The following ZSCAN21 variants were observed in gnomAD, a reference collection of about 807,000 sequenced individuals.
ZSCAN21 encodes the protein zinc finger and SCAN domain containing 21, also known as zinc finger and SCAN domain-containing protein 21.
A neutral mutation model predicts 35.6 loss-of-function variants in ZSCAN21; 26 were observed. That is an observed-to-expected ratio of 0.73 (90% confidence interval 0.54 to 1.01). The LOEUF is 1.01. Ranked by LOEUF, ZSCAN21 falls within the 50% of genes least tolerant of loss-of-function variation. The pLI, the probability that ZSCAN21 is intolerant of heterozygous loss-of-function variation, is 0.00. For synonymous variants in ZSCAN21, 219 were observed against 219.3 expected (o/e 1.00, Z 0.01); for missense variants, 593 against 587.1 (o/e 1.01, Z -0.10).
At chr7:100,063,534 G>C (rs1350154282) in intron 3 of ZSCAN21, among the ~76,000 whole-genome samples, 1 of 152,100 alleles carries the variant, frequency 6.6e-6, no homozygotes, top group South Asian at 2.1e-4. Context: ...TCAGGGAGTT[G>C]GAGGTTGCAG....
At position 100,064,734 on chromosome 7, in the gene ZSCAN21, CAG is replaced by C. The variant is rs1439354179; in HGVS notation, c.*118_*119del. ...TGATAGAGTTTGTATCACTCAACAT[CAG>C]GGGATGCCTGAGGAGTGCGAGCTCC... On this transcript the variant is annotated 3_prime_UTR_variant, in exon 4 of 4. Coordinates refer to ENST00000292450, the MANE Select transcript of ZSCAN21 (RefSeq NM_145914.3). 4.3e-5 allele frequency: 70 copies of C among 1,612,758 alleles called. No individual in the cohort carries two copies. Among genetic ancestry groups the C allele is most frequent in the Middle Eastern group, 3.3e-4 (2 of 6,072 alleles).
rs141973828 is a variant in ZSCAN21 at position 100,064,513 on chromosome 7, G to T, written c.1318G>T (p.Gly440Trp). The change falls in exon 4 of 4, where the codon GGG becomes TGG. Residue 440 changes from glycine to tryptophan, a missense_variant. By Grantham distance (184) the Gly-to-Trp change is radical. Coordinates refer to ENST00000292450, the MANE Select transcript of ZSCAN21 (RefSeq NM_145914.3). ...NFNKHHRIHT[G>W]EKPYWCHHCG... is the part of the protein sequence containing the mutation. The stretch of plus-strand genomic sequence containing the variant: ...CAATAAACACCACAGAATCCACACC[G>T]GGGAAAAGCCCTACTGGTGTCATCA... The T allele has an allele frequency of 4.3e-6, 7 of 1,613,958 alleles. No homozygotes were observed. The South Asian group carries it at 7.7e-5, about 18-fold the overall frequency.
rs989861254 is a variant in ZSCAN21, at chr7:100,056,915, A to G, written c.-92A>G. ...TTGGTAACTATATTTTCTTAGGTTT[A>G]ACTTGTGGCCCTAAAGAACTGGAAA... On this transcript the variant is annotated 5_prime_UTR_variant, in exon 2 of 4. The change abolishes the stop of an existing upstream ORF in the 5' untranslated region. Transcript: ENST00000292450. 24 of 1,331,958 alleles carry G rather than the reference A, an allele frequency of 1.8e-5. No individual in the cohort carries two copies. The highest frequency in any genetic ancestry group is 2.1e-5 in the Non-Finnish European group (21 of 988,080). 82.5% of individuals were successfully genotyped at this position (1,331,958 alleles called of 1,614,324 possible). A position where few individuals can be genotyped will look rare whatever the true frequency, so the allele number is the denominator to read the frequency against.
At chr7:100,057,668 A>G (rs113114235) in intron 2 of ZSCAN21, 30 bp from the exon 3 acceptor site, 2 of 1,576,404 alleles carry the variant, frequency 1.3e-6, no homozygotes, top group Non-Finnish European at 1.7e-6. Context: ...TGAGCCATGC[A>G]CAAACCTAGC....
In ZSCAN21 at chr7:100,057,772, G is replaced by A. The variant is rs750295619; in HGVS notation, c.474G>A (p.Pro158=). The change falls in exon 3 of 4, where the codon CCG becomes CCA. Residue 158 remains proline, a synonymous_variant. Coordinates refer to ENST00000292450, the MANE Select transcript of ZSCAN21 (RefSeq NM_145914.3). ...CCTCAGGAACTGCAAAGGAATCCCCGAGCAGCATGCAGCCACAGCCCTTGG... is the reference window on the plus strand; with the variant it reads ...CCTCAGGAACTGCAAAGGAATCCCCAAGCAGCATGCAGCCACAGCCCTTGG... The part of the protein sequence containing the change: ...ISSSGTAKES[P]SSMQPQPLET... The A allele has an allele frequency of 1.3e-5, 21 of 1,614,022 alleles. No individual in the cohort carries two copies. Among genetic ancestry groups the A allele is most frequent in the East Asian group, 2.2e-5 (1 of 44,872 alleles).
At position 100,051,282 on chromosome 7, in the gene ZSCAN21, C is replaced by CTTTTTT. The variant is rs1164734568; in HGVS notation, c.-97+1465_-97+1470dup. ...GGCTGCCTAGGGATCTAGGGATTTT[C>CTTTTTT]TTTTTTTTTTTTTTTTTTTTTTTTT... On this transcript the variant is annotated intron_variant, in intron 1 of 3. Coordinates refer to ENST00000292450, the MANE Select transcript of ZSCAN21 (RefSeq NM_145914.3). Among the ~76,000 whole-genome samples the CTTTTTT allele has an allele frequency of 2.0e-3, 71 of 34,974 alleles. 17 individuals are homozygous for CTTTTTT. The highest frequency in any genetic ancestry group is 0.011 in the South Asian group (6 of 554). 22.9% of individuals were successfully genotyped at this position (34,974 alleles called of 152,430 possible). A position where few individuals can be genotyped will look rare whatever the true frequency, so the allele number is the denominator to read the frequency against.
chr7:100,055,796 C>T (rs571076804), intron 1 of ZSCAN21, among the ~76,000 whole-genome samples: 23 of 151,890 alleles, frequency 1.5e-4, no homozygotes, highest in African/African-American at 5.1e-4. Context: ...CCTGCAACCA[C>T]GCCCGGCTAA....
chr7:100,062,830 T>C (rs1792390282), intron 3 of ZSCAN21, among the ~76,000 whole-genome samples: 1 of 150,826 alleles, frequency 6.6e-6, no homozygotes, highest in South Asian at 2.1e-4. Flanking sequence ...GCCAAGATGA[T>C]ACCACTGCAC....
chr7:100,052,917 T>A (rs1171064450), intron 1 of ZSCAN21, among the ~76,000 whole-genome samples: 1 of 151,882 alleles, frequency 6.6e-6, no homozygotes, highest in Non-Finnish European at 1.5e-5. Flanking sequence ...TCACTTGAGG[T>A]CAGGAGTTCA....
chr7:100,062,868 C>T (rs933816089), intron 3 of ZSCAN21, among the ~76,000 whole-genome samples: 23 of 152,056 alleles, frequency 1.5e-4, no homozygotes, highest in African/African-American at 5.1e-4. Flanking sequence ...AATGAGACTC[C>T]GTCTCAAAAT....
Position 100,064,630 on chromosome 7 carries a change from C to A in ZSCAN21, c.*13C>A. ...AGAAGCACCGTAACTTTCAAGCGCT[C>A]CTGTTGTTGTCGTTGTTTTAAACTT... On this transcript the variant is annotated 3_prime_UTR_variant, in exon 4 of 4. Coordinates refer to ENST00000292450, the MANE Select transcript of ZSCAN21 (RefSeq NM_145914.3). 2 of 1,607,574 alleles carry A rather than the reference C, an allele frequency of 1.2e-6. No homozygotes were observed. Among genetic ancestry groups the A allele is most frequent in the Non-Finnish European group, 1.7e-6 (2 of 1,176,484 alleles).
At position 100,063,969 on chromosome 7, in the gene ZSCAN21, C is replaced by T. The variant is rs781460330; in HGVS notation, c.774C>T (p.Gly258=). ...KGTKPPLQEA[G]SKKGRESVPT... ...CAAAACCCCCTCTTCAAGAGGCAGG[C>T]TCCAAGAAAGGTAGAGAATCAGTTC... Residue 258 remains glycine, a synonymous_variant, in exon 4 of 4, where the codon GGC becomes GGT. Transcript: ENST00000292450. 5.0e-6 allele frequency: 8 copies of T among 1,614,030 alleles called. No homozygotes were observed. The highest frequency in any genetic ancestry group is 3.3e-4 in the Middle Eastern group (2 of 6,084).
chr7:100,052,296 G>T (rs1039741108), intron 1 of ZSCAN21, among the ~76,000 whole-genome samples: 1 of 151,904 alleles, frequency 6.6e-6, no homozygotes, highest in African/African-American at 2.4e-5. Context: ...CAGTGAAGTG[G>T]TTCACGCCTG....
chr7:100,053,013 C>T (rs1267851568), intron 1 of ZSCAN21, among the ~76,000 whole-genome samples: 1 of 151,682 alleles, frequency 6.6e-6, no homozygotes, highest in African/African-American at 2.4e-5. Flanking sequence ...GTAATCCCAC[C>T]TACTCAGGAG....
rs1216407409 is a variant in ZSCAN21 at position 100,049,795 on chromosome 7, A to AGGTACGCGGTGCGGTCTCCC, written c.-137_-118dup. The AGGTACGCGGTGCGGTCTCCC allele has an allele frequency of 1.3e-5, 2 of 152,274 alleles. No homozygotes were observed. Among genetic ancestry groups the AGGTACGCGGTGCGGTCTCCC allele is most frequent in the Non-Finnish European group, 2.9e-5 (2 of 68,072 alleles). 9.4% of individuals were successfully genotyped at this position (152,274 alleles called of 1,614,324 possible). On this transcript the variant is annotated 5_prime_UTR_variant, in exon 1 of 4. Transcript: ENST00000292450. Reference sequence around the variant, plus strand: ...ACGCACTTCCGGGTGCGCGGTCCCGAGGTACGCGGTGCGGTCTCCCGGTAC... The same window carrying AGGTACGCGGTGCGGTCTCCC: ...ACGCACTTCCGGGTGCGCGGTCCCGAGGTACGCGGTGCGGTCTCCCGGTACGCGGTGCGGTCTCCCGGTAC...
In ZSCAN21 at chr7:100,064,480, T is replaced by A. The variant is rs1339504858; in HGVS notation, c.1285T>A (p.Ser429Thr). ...KECGKAFNHS[S>T]NFNKHHRIHT... Reference sequence around the variant, plus strand: ...GTGTGGGAAAGCCTTCAACCACAGCTCCAACTTCAATAAACACCACAGAAT... The same window carrying A: ...GTGTGGGAAAGCCTTCAACCACAGCACCAACTTCAATAAACACCACAGAAT... The change falls in exon 4 of 4, where the codon TCC (serine) becomes ACC (threonine). Residue 429 changes from serine (S) to threonine (T), a missense_variant. By Grantham distance (58) the Ser-to-Thr change is moderately conservative. Transcript: ENST00000292450. 1.2e-6 allele frequency: 2 copies of A among 1,613,792 alleles called. No individual in the cohort carries two copies. Among genetic ancestry groups the A allele is most frequent in the African/African-American group, 2.7e-5 (2 of 74,834 alleles).
Position 100,063,948 on chromosome 7 carries a change from A to AC in ZSCAN21, c.758dup (p.Leu254SerfsTer10). 1 of 1,613,826 alleles carries AC rather than the reference A, an allele frequency of 6.2e-7. No individual in the cohort carries two copies. The highest frequency in any genetic ancestry group is 8.5e-7 in the Non-Finnish European group (1 of 1,179,972). The stretch of plus-strand genomic sequence containing the variant: ...ACCTTGAAAATGAAAAAGGAACAAA[A>AC]CCCCCTCTTCAAGAGGCAGGCTCCA... On this transcript the variant is annotated frameshift_variant, in exon 4 of 4. Coordinates refer to ENST00000292450, the MANE Select transcript of ZSCAN21 (RefSeq NM_145914.3). LOFTEE classifies it high-confidence loss of function.
intron 1 of ZSCAN21, among the ~76,000 whole-genome samples, chr7:100,054,641 G>A (rs1792009162): frequency 6.6e-6 from 1 of 151,338 alleles, no homozygotes; most frequent in African/African-American, 2.4e-5. Flanking sequence ...GCTTTGGTTT[G>A]CTTCCTGATG....
chr7:100,059,552 T>A (rs1166028951), intron 3 of ZSCAN21, among the ~76,000 whole-genome samples: 4 of 754 alleles, frequency 5.3e-3, no homozygotes, highest in Non-Finnish European at 8.8e-3. Flanking sequence ...GCATAAAGTC[T>A]TTTTTTTTTT....
Sources: gnomAD v4.1 joint callset for allele counts (sites outside exome capture counted in the v4.1 genomes callset) on GRCh38, gnomAD v4.1.1 for gene constraint, MANE v1.5 for transcripts, NCBI Gene and HGNC (gene_info 2026-07-23, HGNC 2026-07-21) for gene names.